Variants in ATF7IP observed in about 807,000 individuals in gnomAD.
The protein encoded by ATF7IP is activating transcription factor 7-interacting protein 1.
Under a neutral mutation model 106.4 loss-of-function variants are expected in ATF7IP, and 23 were observed. The ratio of observed to expected loss-of-function variants is 0.22; its 90% CI spans 0.16 to 0.31. ATF7IP has a LOEUF of 0.31. Among genes scored for constraint, ATF7IP ranks in the 10% least tolerant of loss-of-function variants. The probability of loss-of-function intolerance (pLI) is 1.00; values close to 1 mark genes in which losing one functional copy is unlikely to be tolerated. For synonymous variants in ATF7IP, 542 were observed against 539.0 expected (o/e 1.01, Z -0.08); for missense variants, 1,334 against 1,524.3 (o/e 0.88, Z 2.08).
chr12:14,452,374 T>C (rs1258687722), intron 6 of ATF7IP, among the ~76,000 whole-genome samples: 1 of 152,170 alleles, frequency 6.6e-6, no homozygotes, highest in Admixed American at 6.5e-5. Context: ...CTTATTGTTG[T>C]CATTTTGTTT....
intron 6 of ATF7IP, 24 bp from the exon 7 acceptor site, chr12:14,456,537 C>A: frequency 4.4e-6 from 7 of 1,574,182 alleles, no homozygotes; most frequent in Non-Finnish European, 6.1e-6. Flanking sequence ...TTTATTTTTA[C>A]CTTGATTTTT....
rs369467327 is a variant in ATF7IP at position 14,424,323 on chromosome 12, T to C, written c.408T>C (p.Pro136=). The C allele has an allele frequency of 4.3e-5, 69 of 1,614,120 alleles. 1 individual carries two copies. Among genetic ancestry groups the C allele is most frequent in the East Asian group, 8.9e-5 (4 of 44,902 alleles). ...AACCAGTTTCTGGTGATCCAGCCCCTGGTGATCTGGATGCCGGAGATCCAG... is the reference window on the plus strand; with the variant it reads ...AACCAGTTTCTGGTGATCCAGCCCCCGGTGATCTGGATGCCGGAGATCCAG... ...PAEPVSGDPA[P]GDLDAGDPAS... The change falls in exon 2 of 15, where the codon CCT becomes CCC. Residue 136 remains proline, a synonymous_variant. Coordinates refer to ENST00000261168, the MANE Select transcript of ATF7IP (RefSeq NM_018179.5).
intron 14 of ATF7IP, among the ~76,000 whole-genome samples, chr12:14,497,323 A>G (rs540714054): frequency 7.2e-5 from 11 of 152,356 alleles, no homozygotes; most frequent in South Asian, 6.2e-4. Flanking sequence ...AGATAATTCA[A>G]TCATAAATTA....
At chr12:14,418,014 T>A (rs997217539) in intron 1 of ATF7IP, among the ~76,000 whole-genome samples, 1 of 152,084 alleles carries the variant, frequency 6.6e-6, no homozygotes, top group Non-Finnish European at 1.5e-5. Flanking sequence ...ATTGCTATGA[T>A]CTCTTGCTAG....
chr12:14,417,142 T>G (rs143174098), intron 1 of ATF7IP, among the ~76,000 whole-genome samples: 2,921 of 152,320 alleles, frequency 0.019, 102 homozygotes, highest in African/African-American at 0.067. Context: ...AAAATGTCTT[T>G]AATTTTCATG....
intron 13 of ATF7IP, 44 bp from the exon 14 acceptor site, chr12:14,496,187 A>G (rs765405140): frequency 2.4e-6 from 3 of 1,247,580 alleles, no homozygotes; most frequent in Admixed American, 1.8e-5. Flanking sequence ...CAAATTTACA[A>G]TAGAATTATC....
chr12:14,426,775 G>A (rs1455671025), intron 2 of ATF7IP, among the ~76,000 whole-genome samples: 3 of 136,222 alleles, frequency 2.2e-5, no homozygotes, highest in East Asian at 2.2e-4. Flanking sequence ...GCAGTGAGCC[G>A]AGATCGCGCC....
rs746961492 is a variant in ATF7IP, at chr12:14,424,363, G to T, written c.448G>T (p.Ala150Ser). 1.2e-6 allele frequency: 2 copies of T among 1,614,098 alleles called. No individual in the cohort carries two copies. The highest frequency in any genetic ancestry group is 1.7e-6 in the Non-Finnish European group (2 of 1,179,994). Residue 150 changes from alanine to serine, a missense_variant, in exon 2 of 15, where the codon GCC (alanine) becomes TCC (serine). Ala to Ser is a moderately conservative substitution (Grantham distance 99). This residue lies in a region of ATF7IP where 438 missense variants were observed against 405.3 expected (regional missense o/e 1.08). Transcript: ENST00000261168. Reference sequence around the variant, plus strand: ...CGGAGATCCAGCCTCCGGAGTACTGGCCTCTGGTGATTCCACCTCTGGTGA... The same window carrying T: ...CGGAGATCCAGCCTCCGGAGTACTGTCCTCTGGTGATTCCACCTCTGGTGA... ...DAGDPASGVL[A>S]SGDSTSGDPT...
intron 1 of ATF7IP, among the ~76,000 whole-genome samples, chr12:14,377,771 A>G (rs1426631391): frequency 6.6e-6 from 1 of 150,398 alleles, no homozygotes; most frequent in African/African-American, 2.4e-5. Context: ...CCACCACCAC[A>G]CCAAGCTTAT....
intron 13 of ATF7IP, among the ~76,000 whole-genome samples, chr12:14,492,210 A>G (rs1591974973): frequency 6.6e-6 from 1 of 152,292 alleles, no homozygotes; most frequent in East Asian, 1.9e-4. Context: ...CTGAGACAAA[A>G]TTCCATTAAT....
intron 1 of ATF7IP, among the ~76,000 whole-genome samples, chr12:14,375,854 C>G (rs1938716343): frequency 6.6e-6 from 1 of 152,116 alleles, no homozygotes; most frequent in Admixed American, 6.6e-5. Flanking sequence ...TGCAGGGAGC[C>G]CTGCAGTACA....
At chr12:14,476,139 T>C in intron 11 of ATF7IP, 171 bp downstream of exon 11, 1 of 558,090 alleles carries the variant, frequency 1.8e-6, no homozygotes, top group Admixed American at 3.0e-5. Context: ...CCAGGTGCAG[T>C]GTCTCACACC....
At chr12:14,461,219 G>A (rs563080040) in intron 9 of ATF7IP, 86 bp downstream of exon 9, 95 of 1,233,594 alleles carry the variant, frequency 7.7e-5, no homozygotes, top group Non-Finnish European at 9.2e-5. Context: ...TAAGTGGCTA[G>A]CGTTATTGGA....
At chr12:14,480,243 T>TA (rs1225607705) in intron 12 of ATF7IP, among the ~76,000 whole-genome samples, 1 of 152,198 alleles carries the variant, frequency 6.6e-6, no homozygotes, top group Non-Finnish European at 1.5e-5. Flanking sequence ...ATTTGTAAGA[T>TA]ATGATTCTAA....
intron 6 of ATF7IP, among the ~76,000 whole-genome samples, chr12:14,451,158 C>A (rs949389065): frequency 6.6e-6 from 1 of 151,896 alleles, no homozygotes; most frequent in African/African-American, 2.4e-5. Flanking sequence ...TTTATTTCTT[C>A]TAGGTAATCA....
intron 5 of ATF7IP, among the ~76,000 whole-genome samples, chr12:14,442,436 G>T (rs1187352591): frequency 6.6e-6 from 1 of 152,114 alleles, no homozygotes; most frequent in African/African-American, 2.4e-5. Flanking sequence ...CCTTCACTCT[G>T]GGTATAGTAA....
At chr12:14,438,985 C>T (rs1376124387) in intron 5 of ATF7IP, among the ~76,000 whole-genome samples, 2 of 152,094 alleles carry the variant, frequency 1.3e-5, no homozygotes, top group Non-Finnish European at 2.9e-5. Context: ...TGTTAATCTA[C>T]CTCCTTTCGT....
intron 5 of ATF7IP, among the ~76,000 whole-genome samples, chr12:14,441,928 A>C (rs892968424): frequency 6.6e-6 from 1 of 152,206 alleles, no homozygotes; most frequent in African/African-American, 2.4e-5. Flanking sequence ...TTAAATTTTG[A>C]TGAAGTCTTA....
At chr12:14,450,954 G>A (rs1256781622) in intron 6 of ATF7IP, among the ~76,000 whole-genome samples, 1 of 151,700 alleles carries the variant, frequency 6.6e-6, no homozygotes, top group African/African-American at 2.4e-5. Flanking sequence ...TTTTGTATTT[G>A]TAGTAGAGAC....
Sources: gnomAD v4.1 joint callset for allele counts (sites outside exome capture counted in the v4.1 genomes callset) on GRCh38, gnomAD v4.1.1 for gene constraint, gnomAD v4.1.1 regional missense constraint, MANE v1.5 for transcripts, NCBI Gene and HGNC (gene_info 2026-07-23, HGNC 2026-07-21) for gene names.